FBXL20: variants seen among roughly 807,000 people sequenced by gnomAD.
The protein encoded by FBXL20 is F-box and leucine rich repeat protein 20.
FBXL20 carries 11 observed loss-of-function variants against 64.0 expected under a neutral mutation model. That is an observed-to-expected ratio of 0.17 (90% confidence interval 0.11 to 0.28). FBXL20 has a LOEUF of 0.28. Ranked by LOEUF, FBXL20 falls within the 10% of genes least tolerant of loss-of-function variation. The probability of loss-of-function intolerance (pLI) is 1.00; values close to 1 mark genes in which losing one functional copy is unlikely to be tolerated. For synonymous variants in FBXL20, 184 were observed against 189.0 expected, an observed-to-expected ratio of 0.97 and a Z score of 0.22; for missense variants, 303 against 526.2, an observed-to-expected ratio of 0.58 and a Z score of 4.15.
chr17:39,350,563 T>C (rs1365725016), intron 1 of FBXL20, among the ~76,000 whole-genome samples: 3 of 148,310 alleles, frequency 2.0e-5, no homozygotes, highest in Non-Finnish European at 3.0e-5. Context: ...CTTGCTTTGG[T>C]CTATATAAAC....
intron 2 of FBXL20, among the ~76,000 whole-genome samples, chr17:39,334,035 G>A (rs1460009529): frequency 6.6e-6 from 1 of 152,224 alleles, no homozygotes; most frequent in Non-Finnish European, 1.5e-5. Flanking sequence ...AGAAAAGGGG[G>A]AAATGTGGGG....
intron 1 of FBXL20, among the ~76,000 whole-genome samples, chr17:39,348,898 T>G (rs1457029371): frequency 6.6e-6 from 1 of 152,012 alleles, no homozygotes; most frequent in African/African-American, 2.4e-5. Flanking sequence ...TCTCACTATG[T>G]TGCCCAATCT....
intron 10 of FBXL20, among the ~76,000 whole-genome samples, chr17:39,273,888 T>A (rs1051434979): frequency 6.6e-6 from 1 of 151,838 alleles, no homozygotes; most frequent in Non-Finnish European, 1.5e-5. Flanking sequence ...TTATTACTGT[T>A]ATTGAGAAAG....
At chr17:39,357,046 G>A (rs1028606838) in intron 1 of FBXL20, among the ~76,000 whole-genome samples, 1 of 150,982 alleles carries the variant, frequency 6.6e-6, no homozygotes, top group Non-Finnish European at 1.5e-5. Context: ...AGGCCAAGGC[G>A]GGTGGATCAC....
intron 2 of FBXL20, among the ~76,000 whole-genome samples, chr17:39,311,909 A>G (rs982132048): frequency 3.3e-5 from 5 of 152,162 alleles, no homozygotes; most frequent in African/African-American, 1.2e-4. Context: ...ATAGACAGAC[A>G]TGAAACATCA....
intron 2 of FBXL20, among the ~76,000 whole-genome samples, chr17:39,321,323 G>A (rs2047353927): frequency 6.6e-6 from 1 of 151,460 alleles, no homozygotes; most frequent in Non-Finnish European, 1.5e-5. Context: ...ACGGTGGCAG[G>A]CACTTGTAAT....
chr17:39,324,439 C>A (rs1235590453), intron 2 of FBXL20, among the ~76,000 whole-genome samples: 9 of 151,812 alleles, frequency 5.9e-5, no homozygotes, highest in Non-Finnish European at 1.0e-4. Context: ...CAGGCACTTG[C>A]CACCACACCC....
In FBXL20 at chr17:39,256,952, G is replaced by A. The variant is rs2046701209; in HGVS notation, c.*4508C>T. On this transcript the variant is annotated 3_prime_UTR_variant, in exon 15 of 15. Transcript: ENST00000264658. ...TGTTTAGTCCCCCATGGCATTAGTGGGCTATCAAACTAGTAACGATGCATT... is the reference window on the plus strand; with the variant it reads ...TGTTTAGTCCCCCATGGCATTAGTGAGCTATCAAACTAGTAACGATGCATT... 6.6e-6 allele frequency: 1 copy of A among 152,052 alleles called. No individual in the cohort carries two copies. Among genetic ancestry groups the A allele is most frequent in the Non-Finnish European group, 1.5e-5 (1 of 68,024 alleles). The allele number at this position is 152,052 out of a possible 1,614,324, so 9.4% of individuals were successfully genotyped here.
At chr17:39,333,571 T>A (rs2047486623) in intron 2 of FBXL20, among the ~76,000 whole-genome samples, 1 of 151,908 alleles carries the variant, frequency 6.6e-6, no homozygotes, top group African/African-American at 2.4e-5. Flanking sequence ...CGCCACCCCA[T>A]CTAGGAAGTG....
At chr17:39,358,394 CA>C (rs2047762207) in intron 1 of FBXL20, among the ~76,000 whole-genome samples, 1 of 152,074 alleles carries the variant, frequency 6.6e-6, no homozygotes, top group South Asian at 2.1e-4. Context: ...CTCAAGATGG[CA>C]TATAAGGCCA....
chr17:39,369,476 G>A (rs12936497), intron 1 of FBXL20, among the ~76,000 whole-genome samples: 2 of 151,514 alleles, frequency 1.3e-5, no homozygotes, highest in Admixed American at 6.6e-5. Flanking sequence ...GGCTGGTCTC[G>A]AACTCCTGAC....
At chr17:39,272,924 G>C (rs1215144725) in intron 10 of FBXL20, among the ~76,000 whole-genome samples, 1 of 152,142 alleles carries the variant, frequency 6.6e-6, no homozygotes, top group Non-Finnish European at 1.5e-5. Context: ...TATTCAGAGA[G>C]AAGTTTGATT....
chr17:39,281,138 A>T (rs567147211), intron 9 of FBXL20, among the ~76,000 whole-genome samples: 15 of 152,134 alleles, frequency 9.9e-5, no homozygotes, highest in Non-Finnish European at 1.5e-4. Flanking sequence ...AGTATGTAAG[A>T]AAGGGGTGGA....
intron 1 of FBXL20, among the ~76,000 whole-genome samples, chr17:39,373,078 C>G (rs1299160847): frequency 6.6e-6 from 1 of 151,464 alleles, no homozygotes; most frequent in East Asian, 1.9e-4. Flanking sequence ...GGCTTCACAT[C>G]GTCTATATAG....
intron 2 of FBXL20, among the ~76,000 whole-genome samples, chr17:39,314,860 C>T (rs890206150): frequency 2.7e-5 from 4 of 147,198 alleles, no homozygotes; most frequent in Non-Finnish European, 3.0e-5. Flanking sequence ...TGCAGTGGCA[C>T]GATCTCAGCT....
At chr17:39,288,849 A>G (rs2047011927) in intron 6 of FBXL20, among the ~76,000 whole-genome samples, 1 of 151,960 alleles carries the variant, frequency 6.6e-6, no homozygotes, top group Non-Finnish European at 1.5e-5. Context: ...GCTGGGAGGC[A>G]CGTGCCGCCA....
At chr17:39,271,569 G>A (rs71369739) in intron 10 of FBXL20, among the ~76,000 whole-genome samples, 4,463 of 122,400 alleles carry the variant, frequency 0.036, 239 homozygotes, top group African/African-American at 0.13. Context: ...CTGCACTCCA[G>A]CCTGGGTGAC....
At position 39,303,647 on chromosome 17, in the gene FBXL20, GAA is replaced by G; in HGVS notation, c.105-10_105-9del. ...TCTAGAAAAGAAAATATCCTAAAAA[GAA>G]AAGAGAGAAAGACAAATTTTATTGT... On this transcript the variant is annotated splice_polypyrimidine_tract_variant and intron_variant, in intron 2 of 14. Coordinates refer to ENST00000264658, the MANE Select transcript of FBXL20 (RefSeq NM_032875.3). 6.2e-7 allele frequency: 1 copy of G among 1,603,810 alleles called. No individual in the cohort carries two copies. The highest frequency in any genetic ancestry group is 8.5e-7 in the Non-Finnish European group (1 of 1,174,884).
chr17:39,302,138 C>G (rs1424488318), intron 3 of FBXL20, among the ~76,000 whole-genome samples: 1 of 151,946 alleles, frequency 6.6e-6, no homozygotes, highest in Non-Finnish European at 1.5e-5. Flanking sequence ...TAAAACCAAA[C>G]ATCAAAGGGG....
Sources: allele counts gnomAD v4.1 joint callset (sites outside exome capture counted in the v4.1 genomes callset), GRCh38; gene constraint gnomAD v4.1.1; transcripts MANE v1.5; gene names NCBI Gene and HGNC (gene_info 2026-07-23, HGNC 2026-07-21).